Variants in APBA2 observed in about 807,000 individuals in gnomAD.
The protein encoded by APBA2 is amyloid-beta A4 precursor protein-binding family A member 2.
A neutral mutation model predicts 75.0 loss-of-function variants in APBA2; 30 were observed. That is an observed-to-expected ratio of 0.40 (90% CI 0.30 to 0.54). The LOEUF is 0.54. Among genes scored for constraint, APBA2 ranks in the 20% least tolerant of loss-of-function variants. The pLI is 0.49. For synonymous variants in APBA2, 444 were observed against 409.6 expected (o/e 1.08, Z -1.01); for missense variants, 801 against 1,016.1 (o/e 0.79, Z 2.88).
At chr15:29,039,096 A>AGG (rs769538549) in intron 3 of APBA2, among the ~76,000 whole-genome samples, 46 of 84,776 alleles carry the variant, frequency 5.4e-4, no homozygotes, top group Admixed American at 9.2e-4. Context: ...GCTGTATGTC[A>AGG]GGGTGTGTGT....
intron 1 of APBA2, among the ~76,000 whole-genome samples, chr15:28,888,602 A>G (rs906541626): frequency 1.3e-5 from 2 of 152,192 alleles, no homozygotes; most frequent in African/African-American, 2.4e-5. Context: ...TTTACTGTCC[A>G]GGGGAGGAGA....
At chr15:28,931,990 G>C (rs1490543152) in intron 2 of APBA2, among the ~76,000 whole-genome samples, 1 of 152,144 alleles carries the variant, frequency 6.6e-6, no homozygotes, top group African/African-American at 2.4e-5. Flanking sequence ...TCCCAACTGG[G>C]TCTGGGCATG....
intron 3 of APBA2, among the ~76,000 whole-genome samples, chr15:29,037,321 T>C (rs74007045): frequency 0.029 from 4,401 of 152,270 alleles, 221 homozygotes; most frequent in African/African-American, 0.1. Flanking sequence ...CCTGCCTCCA[T>C]TGGCTTATGG....
At chr15:29,080,403 A>T (rs58644275) in intron 6 of APBA2, among the ~76,000 whole-genome samples, 1 of 152,024 alleles carries the variant, frequency 6.6e-6, no homozygotes, top group South Asian at 2.1e-4. Flanking sequence ...AGTTCAGTGG[A>T]GGGGAGCGTT....
intron 6 of APBA2, among the ~76,000 whole-genome samples, chr15:29,080,272 G>A (rs748472501): frequency 6.6e-6 from 1 of 152,206 alleles, no homozygotes; most frequent in Non-Finnish European, 1.5e-5. Context: ...AAGTGGCAGA[G>A]TTAGGATTCG....
intron 3 of APBA2, among the ~76,000 whole-genome samples, chr15:29,023,059 C>A (rs983956739): frequency 6.6e-6 from 1 of 152,134 alleles, no homozygotes; most frequent in Non-Finnish European, 1.5e-5. Context: ...CCTTGCTAAA[C>A]CTTTTTCTTA....
chr15:29,008,412 A>T (rs76586766), intron 3 of APBA2, among the ~76,000 whole-genome samples: 3 of 151,722 alleles, frequency 2.0e-5, no homozygotes, highest in Admixed American at 6.6e-5. Flanking sequence ...TTTTACCACA[A>T]TTTTTTTTTC....
intron 2 of APBA2, among the ~76,000 whole-genome samples, chr15:28,994,983 T>C (rs75634889): frequency 0.034 from 5,244 of 152,262 alleles, 307 homozygotes; most frequent in African/African-American, 0.12. Context: ...TTTGTAACTT[T>C]GTCTGTAGCC....
At chr15:29,057,100 G>C (rs185893065) in intron 4 of APBA2, among the ~76,000 whole-genome samples, 1 of 152,246 alleles carries the variant, frequency 6.6e-6, no homozygotes, top group East Asian at 1.9e-4. Flanking sequence ...TCCCAGTGCT[G>C]TCCACATAGT....
chr15:28,886,798 A>C lies in APBA2; in HGVS notation c.-205+520A>C, dbSNP rs140941804. Among the ~76,000 whole-genome samples, 1,420 of 152,152 alleles carry C rather than the reference A, an allele frequency of 9.3e-3. 35 individuals are homozygous for C. The highest frequency in any genetic ancestry group is 0.032 in the African/African-American group (1,331 of 41,522). On this transcript the variant is annotated intron_variant, in intron 1 of 14. Transcript: ENST00000683413. ...AAGGCCCAGAGGGGAAAACTTATCAATTCAAAACCCCACACCCCGTTGCTC... is the reference window on the plus strand; with the variant it reads ...AAGGCCCAGAGGGGAAAACTTATCACTTCAAAACCCCACACCCCGTTGCTC...
chr15:28,980,776 A>G (rs550983611), intron 2 of APBA2, among the ~76,000 whole-genome samples: 2 of 152,306 alleles, frequency 1.3e-5, no homozygotes, highest in East Asian at 3.9e-4. Flanking sequence ...CCAATTACCA[A>G]ACTTCAAACT....
intron 3 of APBA2, among the ~76,000 whole-genome samples, chr15:29,004,450 C>T (rs562174746): frequency 1.2e-4 from 19 of 152,212 alleles, no homozygotes; most frequent in Non-Finnish European, 2.6e-4. Context: ...AGGCCATTTC[C>T]ACATTGGTGT....
chr15:29,107,560 T>A (rs767257314), intron 12 of APBA2, among the ~76,000 whole-genome samples: 21 of 152,116 alleles, frequency 1.4e-4, no homozygotes, highest in Non-Finnish European at 2.4e-4. Flanking sequence ...GGCCAGAGCA[T>A]CCCATAGACT....
At chr15:29,056,591 TCCCTCCCTCCC>T (rs2041899930) in intron 4 of APBA2, among the ~76,000 whole-genome samples, 1 of 1,926 alleles carries the variant, frequency 5.2e-4, no homozygotes, top group African/African-American at 2.0e-3. Flanking sequence ...CCTCCCTCCC[TCCCTCCCTCCC>T]TCCCTCCCTC....
chr15:29,060,447 G>A (rs1442226115), intron 4 of APBA2, among the ~76,000 whole-genome samples: 1 of 152,214 alleles, frequency 6.6e-6, no homozygotes, highest in South Asian at 2.1e-4. Context: ...AAAGCGTCCA[G>A]TTCTGTTCAG....
intron 1 of APBA2, among the ~76,000 whole-genome samples, chr15:28,907,859 A>G (rs1385089212): frequency 6.6e-6 from 1 of 152,082 alleles, no homozygotes; most frequent in African/African-American, 2.4e-5. Flanking sequence ...CTGCTGGTGT[A>G]TTTTCTATTT....
At chr15:28,892,973 CAT>C (rs2032234823) in intron 1 of APBA2, among the ~76,000 whole-genome samples, 1 of 152,190 alleles carries the variant, frequency 6.6e-6, no homozygotes, top group South Asian at 2.1e-4. Flanking sequence ...GCAAATAAAA[CAT>C]AGTTTCTGTT....
At chr15:28,946,805 C>T (rs1047814763) in intron 2 of APBA2, among the ~76,000 whole-genome samples, 17 of 152,188 alleles carry the variant, frequency 1.1e-4, no homozygotes, top group African/African-American at 2.4e-5. Flanking sequence ...TCTTGAACTC[C>T]TGGGCTCAAG....
At chr15:29,092,562 A>T (rs1235823592) in intron 6 of APBA2, among the ~76,000 whole-genome samples, 1 of 152,014 alleles carries the variant, frequency 6.6e-6, no homozygotes, top group Admixed American at 6.5e-5. Flanking sequence ...AACAAGCATG[A>T]TGTTGCCAAG....
Sources: allele counts gnomAD v4.1 joint callset (sites outside exome capture counted in the v4.1 genomes callset), GRCh38; gene constraint gnomAD v4.1.1; transcripts MANE v1.5; gene names NCBI Gene and HGNC (gene_info 2026-07-23, HGNC 2026-07-21).